Variants in MBOAT1 observed in about 807,000 individuals in gnomAD.
MBOAT1 encodes the protein membrane bound glycerophospholipid O-acyltransferase 1.
MBOAT1 carries 67 observed loss-of-function variants against 64.4 expected under a neutral mutation model. That is an observed-to-expected ratio of 1.04 (90% confidence interval 0.85 to 1.27). MBOAT1 has a LOEUF of 1.27. Ranked by LOEUF, MBOAT1 falls within the 50% of genes most tolerant of loss-of-function variation. MBOAT1 has a pLI of 0.00. For missense variants in MBOAT1, 563 were observed against 604.6 expected, an observed-to-expected ratio of 0.93 and a Z score of 0.72; for synonymous variants, 229 against 218.9, an observed-to-expected ratio of 1.05 and a Z score of -0.41.
Position 20,144,282 on chromosome 6 carries a change from T to G in MBOAT1, c.357A>C (p.Thr119=). 1 of 1,612,662 alleles carries G rather than the reference T, an allele frequency of 6.2e-7. No homozygotes were observed. The highest frequency in any genetic ancestry group is 8.5e-7 in the Non-Finnish European group (1 of 1,179,176). The change falls in exon 4 of 13, where the codon ACA becomes ACC. Residue 119 remains threonine (T), a synonymous_variant. Transcript: ENST00000324607. ...TGTATATTCGGCTGATGTGGCATATTGTAAGATATCCCATTGCTACAAAAA... is the reference window on the plus strand; with the variant it reads ...TGTATATTCGGCTGATGTGGCATATGGTAAGATATCCCATTGCTACAAAAA... ...YSFFVAMGYL[T]ICHISRIYIF...
In MBOAT1 at chr6:20,184,032, T is replaced by C. The variant is rs139529861; in HGVS notation, c.99+28104A>G. The stretch of plus-strand genomic sequence containing the variant: ...CCCCCATGATTCAATTATCTCCCCC[T>C]GTGTCCCTCACATAACACGTGGGAA... On this transcript the variant is annotated intron_variant, in intron 1 of 12. Coordinates refer to ENST00000324607, the MANE Select transcript of MBOAT1 (RefSeq NM_001080480.3). 4.5e-4 allele frequency among the ~76,000 whole-genome samples: 68 copies of C among 152,360 alleles called. 1 individual carries two copies. In the East Asian group the frequency reaches 0.01, roughly 23 times the overall value.
intron 5 of MBOAT1, among the ~76,000 whole-genome samples, chr6:20,130,537 A>G (rs961617516): frequency 6.6e-6 from 1 of 152,108 alleles, no homozygotes; most frequent in Admixed American, 6.5e-5. Context: ...TATTTTTAGT[A>G]GAGACGGGGG....
chr6:20,129,433 T>C (rs1760753433), intron 5 of MBOAT1, among the ~76,000 whole-genome samples: 2 of 152,070 alleles, frequency 1.3e-5, no homozygotes, highest in South Asian at 4.1e-4. Context: ...TTAAAAGCAA[T>C]ATGTCAACTC....
intron 1 of MBOAT1, among the ~76,000 whole-genome samples, chr6:20,201,927 T>TA (rs141884686): frequency 0.034 from 5,174 of 151,476 alleles, 107 homozygotes; most frequent in Non-Finnish European, 0.054. Flanking sequence ...ATAAAAGCTT[T>TA]AAAAAAATCA....
In MBOAT1 at chr6:20,109,681, G is replaced by C. The variant is rs1760066004; in HGVS notation, c.1278C>G (p.Thr426=). The change falls in exon 12 of 13, where the codon ACC becomes ACG. Residue 426 remains threonine (T), a synonymous_variant. Transcript: ENST00000324607. ...AGACAGCCAGCTGAGTGACGGCCCAGGTGCCTGCATCATACACAGCCTTGA... is the reference window on the plus strand; with the variant it reads ...AGACAGCCAGCTGAGTGACGGCCCACGTGCCTGCATCATACACAGCCTTGA... ...RALKAVYDAG[T]WAVTQLAVSY... 6.2e-7 allele frequency: 1 copy of C among 1,614,182 alleles called. No homozygotes were observed. The highest frequency in any genetic ancestry group is 1.3e-5 in the African/African-American group (1 of 75,050).
At chr6:20,209,572 A>T (rs943479676) in intron 1 of MBOAT1, among the ~76,000 whole-genome samples, 1 of 152,236 alleles carries the variant, frequency 6.6e-6, no homozygotes, top group Non-Finnish European at 1.5e-5. Context: ...CAGGAGTGCA[A>T]TTAATCAGGA....
chr6:20,106,640 T>C (rs1162471195), intron 12 of MBOAT1, among the ~76,000 whole-genome samples: 1 of 152,152 alleles, frequency 6.6e-6, no homozygotes, highest in African/African-American at 2.4e-5. Context: ...GCCAGGCTGG[T>C]CTCAAACTCC....
rs1173869724 is a variant in MBOAT1, at chr6:20,102,222, A to G, written c.*64T>C. 37 of 1,564,158 alleles carry G rather than the reference A, an allele frequency of 2.4e-5. No homozygotes were observed. Among genetic ancestry groups the G allele is most frequent in the Non-Finnish European group, 3.0e-5 (35 of 1,152,896 alleles). On this transcript the variant is annotated 3_prime_UTR_variant, in exon 13 of 13. Transcript: ENST00000324607. ...CTCTAAGCCACCGGAGGAGCCCTTG[A>G]AGCCTTGTCATCTCATCTTTCGAAC...
intron 8 of MBOAT1, among the ~76,000 whole-genome samples, chr6:20,119,359 T>G (rs1391411378): frequency 6.6e-6 from 1 of 152,256 alleles, no homozygotes; most frequent in African/African-American, 2.4e-5. Flanking sequence ...TTTATTATGA[T>G]GACCAAGAGG....
intron 1 of MBOAT1, among the ~76,000 whole-genome samples, chr6:20,203,314 A>G (rs1468248976): frequency 1.3e-5 from 2 of 152,242 alleles, no homozygotes; most frequent in Admixed American, 1.3e-4. Flanking sequence ...AAAGATACTA[A>G]TAGCTGCATT....
chr6:20,109,475 C>A, intron 12 of MBOAT1, 123 bp downstream of exon 12: 2 of 1,225,668 alleles, frequency 1.6e-6, no homozygotes, highest in Non-Finnish European at 2.3e-6. Context: ...ATGGACACTT[C>A]CCACACTGAA....
At chr6:20,128,554 G>A in intron 6 of MBOAT1, 145 bp downstream of exon 6, 1 of 587,472 alleles carries the variant, frequency 1.7e-6, no homozygotes, top group Middle Eastern at 4.5e-4. Flanking sequence ...TGGTAACAAT[G>A]CACATGTCCA....
intron 9 of MBOAT1, 108 bp downstream of exon 9, chr6:20,118,329 A>T: frequency 1.2e-6 from 1 of 846,962 alleles, no homozygotes; most frequent in East Asian, 2.6e-5. Context: ...ATTCCCTGAG[A>T]GCAGCTTTTC....
At chr6:20,159,961 T>G (rs1335823905) in intron 1 of MBOAT1, among the ~76,000 whole-genome samples, 2 of 152,190 alleles carry the variant, frequency 1.3e-5, no homozygotes, top group East Asian at 1.9e-4. Context: ...ACAATTAAAG[T>G]ATTGTGTGGG....
intron 3 of MBOAT1, among the ~76,000 whole-genome samples, chr6:20,150,668 T>G (rs1331604310): frequency 2.0e-5 from 3 of 151,076 alleles, no homozygotes; most frequent in Admixed American, 2.0e-4. Context: ...GTTCAAGTGA[T>G]TCTCCTGCCT....
At chr6:20,183,416 C>T (rs1053203996) in intron 1 of MBOAT1, among the ~76,000 whole-genome samples, 1 of 152,212 alleles carries the variant, frequency 6.6e-6, no homozygotes, top group Non-Finnish European at 1.5e-5. Flanking sequence ...GCTCAACCAC[C>T]ATGACTGTGA....
chr6:20,106,589 CT>C (rs1291963608), intron 12 of MBOAT1, among the ~76,000 whole-genome samples: 1 of 152,106 alleles, frequency 6.6e-6, no homozygotes, highest in Non-Finnish European at 1.5e-5. Flanking sequence ...TGCCCAGCTA[CT>C]TTTTTGTATA....
chr6:20,169,464 G>A (rs1451034681), intron 1 of MBOAT1, among the ~76,000 whole-genome samples: 1 of 152,100 alleles, frequency 6.6e-6, no homozygotes, highest in Non-Finnish European at 1.5e-5. Context: ...TGACGAAATA[G>A]GAATATCTGT....
intron 1 of MBOAT1, among the ~76,000 whole-genome samples, chr6:20,168,467 C>G (rs1762071719): frequency 7.9e-6 from 1 of 125,836 alleles, no homozygotes; most frequent in African/African-American, 3.3e-5. Flanking sequence ...TCAAGAAAGA[C>G]AGAGACAGAG....
Sources: gnomAD v4.1 joint callset for allele counts (sites outside exome capture counted in the v4.1 genomes callset) on GRCh38, gnomAD v4.1.1 for gene constraint, MANE v1.5 for transcripts, NCBI Gene and HGNC (gene_info 2026-07-23, HGNC 2026-07-21) for gene names.